Variants in ALPL observed in about 807,000 individuals in gnomAD.
The protein encoded by ALPL is alkaline phosphatase, biomineralization associated, also known as alkaline phosphatase, tissue-nonspecific isozyme.
A neutral mutation model predicts 51.3 loss-of-function variants in ALPL; 42 were observed. That is an observed-to-expected ratio of 0.82 (90% CI 0.64 to 1.06). ALPL has a LOEUF of 1.06. Ranked by LOEUF, ALPL falls within the 50% of genes least tolerant of loss-of-function variation. ALPL has a pLI of 0.00. For synonymous variants in ALPL, 279 were observed against 296.4 expected, an observed-to-expected ratio of 0.94 and a Z score of 0.60; for missense variants, 589 against 709.4, an observed-to-expected ratio of 0.83 and a Z score of 1.93.
At chr1:21,551,065 C>T (rs553562168) in intron 1 of ALPL, among the ~76,000 whole-genome samples, 2 of 152,316 alleles carry the variant, frequency 1.3e-5, no homozygotes, top group South Asian at 4.1e-4. Flanking sequence ...TGCGCTGTGC[C>T]TGTCTGCACT....
chr1:21,510,956 G>T lies in ALPL; in HGVS notation c.-105+1439G>T, dbSNP rs146521374. 7.6e-3 allele frequency among the ~76,000 whole-genome samples: 1,164 copies of T among 152,350 alleles called. 29 individuals carry two copies. Among genetic ancestry groups the T allele is most frequent in the Admixed American group, 0.042 (647 of 15,310 alleles). On this transcript the variant is annotated intron_variant, in intron 1 of 11. Coordinates refer to ENST00000374840, the MANE Select transcript of ALPL (RefSeq NM_000478.6). ...CAACATCCCAACTGGTGAAGACTAG[G>T]CTGAGTGATGATCCCGGTCCATGTG...
At chr1:21,572,706 C>T (rs959022015) in intron 8 of ALPL, among the ~76,000 whole-genome samples, 1 of 152,120 alleles carries the variant, frequency 6.6e-6, no homozygotes, top group Non-Finnish European at 1.5e-5. Context: ...TCTGGAAGGA[C>T]ACCAGAATTG....
intron 1 of ALPL, among the ~76,000 whole-genome samples, chr1:21,530,234 C>CAA (rs540669166): frequency 2.0e-5 from 3 of 152,142 alleles, no homozygotes; most frequent in Non-Finnish European, 4.4e-5. Flanking sequence ...TACTGAAAAG[C>CAA]AAAACATCAC....
rs1017310015 is a variant in ALPL at position 21,528,890 on chromosome 1, C to T, written c.-105+19373C>T. On this transcript the variant is annotated intron_variant, in intron 1 of 11. Transcript: ENST00000374840. ...TTCGAGACCAGCCTGGTCAACATGG[C>T]GAAACCCCGTCTCTACTAAAAGTAC... is the stretch of plus-strand genomic sequence containing the variant. Among the ~76,000 whole-genome samples the T allele has an allele frequency of 3.3e-5, 5 of 151,140 alleles. No individual in the cohort carries two copies. The South Asian group carries it at 8.5e-4, about 26-fold the overall frequency.
chr1:21,566,265 T>C (rs1194504383), intron 6 of ALPL, among the ~76,000 whole-genome samples: 2 of 152,140 alleles, frequency 1.3e-5, no homozygotes, highest in Non-Finnish European at 2.9e-5. Flanking sequence ...GGTCTGTGGA[T>C]GGATGTTAGT....
chr1:21,531,344 T>G (rs1325464625), intron 1 of ALPL, among the ~76,000 whole-genome samples: 1 of 152,248 alleles, frequency 6.6e-6, no homozygotes, highest in Non-Finnish European at 1.5e-5. Flanking sequence ...GCCTCCTGCC[T>G]TGGCTCCCAA....
intron 1 of ALPL, among the ~76,000 whole-genome samples, chr1:21,542,949 C>T (rs945895629): frequency 2.0e-5 from 3 of 151,706 alleles, no homozygotes; most frequent in Admixed American, 6.6e-5. Context: ...CCCAGGAGTT[C>T]GAGACTAGCC....
chr1:21,560,450 G>A (rs1644467114), intron 2 of ALPL, among the ~76,000 whole-genome samples, 176 bp from the exon 3 acceptor site: 1 of 152,156 alleles, frequency 6.6e-6, no homozygotes, highest in South Asian at 2.1e-4. Flanking sequence ...CTTTTCTGGA[G>A]GATCTGGATG....
At chr1:21,518,980 T>C (rs1468111851) in intron 1 of ALPL, among the ~76,000 whole-genome samples, 2 of 152,222 alleles carry the variant, frequency 1.3e-5, no homozygotes, top group Non-Finnish European at 1.5e-5. Context: ...TGCATCTGAC[T>C]AGAGAGCCTG....
chr1:21,566,160 TC>T (rs1390657647), intron 6 of ALPL, among the ~76,000 whole-genome samples: 1 of 152,202 alleles, frequency 6.6e-6, no homozygotes, highest in East Asian at 1.9e-4. Flanking sequence ...ACCACTTGTT[TC>T]CCCACTCCTT....
chr1:21,565,752 C>T (rs758851793), intron 6 of ALPL, among the ~76,000 whole-genome samples: 1 of 151,886 alleles, frequency 6.6e-6, no homozygotes, highest in Non-Finnish European at 1.5e-5. Flanking sequence ...CACCACCCCC[C>T]CAAAAGCCTC....
At chr1:21,522,494 T>A (rs767297080) in intron 1 of ALPL, among the ~76,000 whole-genome samples, 1 of 152,154 alleles carries the variant, frequency 6.6e-6, no homozygotes, top group Non-Finnish European at 1.5e-5. Flanking sequence ...GGTCACCTGG[T>A]TGGTGTCACG....
chr1:21,554,067 G>C lies in ALPL; in HGVS notation c.-15G>C. 6.2e-7 allele frequency: 1 copy of C among 1,612,362 alleles called. No individual in the cohort carries two copies. The highest frequency in any genetic ancestry group is 2.2e-5 in the East Asian group (1 of 44,810). ...TCTCTGGGCTCCAGGGATAAAGCAG[G>C]TCTTGGGGTGCACCATGATTTCACC... On this transcript the variant is annotated 5_prime_UTR_variant, in exon 2 of 12. Coordinates refer to ENST00000374840, the MANE Select transcript of ALPL (RefSeq NM_000478.6).
At chr1:21,516,851 C>A (rs1430313619) in intron 1 of ALPL, among the ~76,000 whole-genome samples, 1 of 152,152 alleles carries the variant, frequency 6.6e-6, no homozygotes, top group Non-Finnish European at 1.5e-5. Flanking sequence ...TCCCCATGAC[C>A]TAATCCTTAT....
rs192002531 is a variant in ALPL, at chr1:21,531,674, G to C, written c.-105+22157G>C. ...GACTGAGGTCTAGGGTAGCAGATGT[G>C]GGCTTTGCCAGGAGGCAGGTCCAGA... is the stretch of plus-strand genomic sequence containing the variant. On this transcript the variant is annotated intron_variant, in intron 1 of 11. Transcript: ENST00000374840. 6.1e-4 allele frequency among the ~76,000 whole-genome samples: 93 copies of C among 152,300 alleles called. No homozygotes were observed. In the East Asian group the frequency reaches 0.015, roughly 25 times the overall value.
intron 1 of ALPL, among the ~76,000 whole-genome samples, chr1:21,535,963 G>C (rs1257510153): frequency 1.3e-5 from 2 of 152,142 alleles, no homozygotes; most frequent in African/African-American, 2.4e-5. Context: ...TTCTCCCTCC[G>C]AGGCCTTTTG....
chr1:21,514,866 A>T (rs921332936), intron 1 of ALPL, among the ~76,000 whole-genome samples: 2 of 152,070 alleles, frequency 1.3e-5, no homozygotes, highest in African/African-American at 4.8e-5. Context: ...AGCATTTTGC[A>T]GTTAAGGAGA....
intron 2 of ALPL, among the ~76,000 whole-genome samples, chr1:21,560,320 G>A (rs1644465713): frequency 6.6e-6 from 1 of 152,230 alleles, no homozygotes; most frequent in Admixed American, 6.5e-5. Context: ...GGGCTTTGGA[G>A]CGAAACCCAG....
intron 5 of ALPL, 71 bp from the exon 6 acceptor site, chr1:21,563,970 A>AGGGGG: frequency 1.3e-6 from 2 of 1,527,950 alleles, no homozygotes; most frequent in East Asian, 2.3e-5. Flanking sequence ...GGGGAGGGGG[A>AGGGGG]AGGGAGGGAG....
Sources: allele counts gnomAD v4.1 joint callset (sites outside exome capture counted in the v4.1 genomes callset), GRCh38; gene constraint gnomAD v4.1.1; transcripts MANE v1.5; gene names NCBI Gene and HGNC (gene_info 2026-07-23, HGNC 2026-07-21).